IPO8: variants seen among roughly 807,000 people sequenced by gnomAD.
IPO8 encodes importin-8.
Under a neutral mutation model 141.2 loss-of-function variants are expected in IPO8, and 65 were observed. That is an observed-to-expected ratio of 0.46 (90% CI 0.38 to 0.57). The LOEUF (loss-of-function observed/expected upper bound fraction) is 0.57, where lower values mean the gene tolerates loss of function less well. Among genes scored for constraint, IPO8 ranks in the 20% least tolerant of loss-of-function variants. The pLI is 0.00. For synonymous variants in IPO8, 411 were observed against 420.3 expected (o/e 0.98, Z 0.27); for missense variants, 980 against 1,246.8 (o/e 0.79, Z 3.22).
intron 17 of IPO8, among the ~76,000 whole-genome samples, chr12:30,654,490 T>C (rs1437525522): frequency 6.6e-6 from 1 of 151,756 alleles, no homozygotes. Context: ...AGATTTAATA[T>C]CCAAAATATA....
intron 3 of IPO8, among the ~76,000 whole-genome samples, chr12:30,683,200 G>A (rs1043442898): frequency 3.9e-5 from 6 of 152,176 alleles, no homozygotes; most frequent in African/African-American, 1.4e-4. Context: ...ATGGATACAT[G>A]ATGGTACCAC....
In IPO8 at chr12:30,641,143, G is replaced by A. The variant is rs552005754; in HGVS notation, c.2269-1408C>T. 3.1e-4 allele frequency among the ~76,000 whole-genome samples: 47 copies of A among 152,248 alleles called. No individual in the cohort carries two copies. In the Middle Eastern group the frequency reaches 0.01, roughly 33 times the overall value. On this transcript the variant is annotated intron_variant, in intron 20 of 24. Coordinates refer to ENST00000256079, the MANE Select transcript of IPO8 (RefSeq NM_006390.4). ...TTATGGAAGCTGGTTGGACTACTAC[G>A]TAAATGCACAATTAGAGCACTGTGC...
chr12:30,634,471 AAAAT>A (rs528402970), intron 22 of IPO8, among the ~76,000 whole-genome samples, 185 bp from the exon 23 acceptor site: 3 of 152,194 alleles, frequency 2.0e-5, no homozygotes, highest in African/African-American at 4.8e-5. Flanking sequence ...AATAAAAAAT[AAAAT>A]AAATAAACCT....
chr12:30,634,124 T>C lies in IPO8; in HGVS notation c.2858A>G (p.Asn953Ser), dbSNP rs568068681. The change falls in exon 23 of 25, where the codon AAT becomes AGT. Residue 953 changes from asparagine (N) to serine (S), a missense_variant. Asn to Ser is a conservative substitution (Grantham distance 46, BLOSUM62 1). Transcript: ENST00000256079. ...AAAAAACTGATATTCATCCACACTA[T>C]TGTCAAGGTCAAGTGGAGTACTGAA... ...EGFSTPLDLD[N>S]SVDEYQFFTQ... The C allele has an allele frequency of 4.3e-6, 7 of 1,613,962 alleles. No homozygotes were observed. The highest frequency in any genetic ancestry group is 3.3e-5 in the South Asian group (3 of 91,066).
At chr12:30,677,865 G>A (rs892536227) in intron 5 of IPO8, among the ~76,000 whole-genome samples, 1 of 152,060 alleles carries the variant, frequency 6.6e-6, no homozygotes, top group Admixed American at 6.6e-5. Context: ...GGCCAGGCGT[G>A]GTGGCTCACG....
intron 6 of IPO8, among the ~76,000 whole-genome samples, chr12:30,675,661 A>C (rs1183865778): frequency 2.7e-5 from 4 of 150,364 alleles, no homozygotes; most frequent in East Asian, 2.0e-4. Flanking sequence ...CCCTGTCTCT[A>C]CTAAAAAAAA....
At chr12:30,691,382 G>A (rs1263791863) in intron 1 of IPO8, among the ~76,000 whole-genome samples, 1 of 152,138 alleles carries the variant, frequency 6.6e-6, no homozygotes, top group East Asian at 1.9e-4. Context: ...GTGAGCCTGT[G>A]GGGATGAAGC....
chr12:30,654,058 G>T (rs1392683584), intron 17 of IPO8, among the ~76,000 whole-genome samples: 1 of 151,752 alleles, frequency 6.6e-6, no homozygotes, highest in African/African-American at 2.4e-5. Context: ...ACCCATTTAG[G>T]GTCAATTAAT....
intron 5 of IPO8, 144 bp downstream of exon 5, chr12:30,680,338 A>C: frequency 1.7e-6 from 1 of 584,974 alleles, no homozygotes; most frequent in Middle Eastern, 4.6e-4. Context: ...ATTTCTGTGA[A>C]CCTGTTCCTC....
chr12:30,684,627 T>G (rs926256155), intron 2 of IPO8, among the ~76,000 whole-genome samples, 170 bp from the exon 3 acceptor site: 2 of 152,174 alleles, frequency 1.3e-5, no homozygotes, highest in Non-Finnish European at 2.9e-5. Context: ...GGATAAGAAT[T>G]TAAAGGTTTC....
rs1158403709 is a variant in IPO8, at chr12:30,663,626, G to T, written c.1457C>A (p.Ser486Tyr). The change falls in exon 14 of 25, where the codon TCT becomes TAT. Residue 486 changes from serine (S) to tyrosine (Y), a missense_variant. By Grantham distance (144) the Ser-to-Tyr change is moderately radical. This residue lies in a region of IPO8 where 924 missense variants were observed against 1,153.9 expected (regional missense o/e 0.80). Coordinates refer to ENST00000256079, the MANE Select transcript of IPO8 (RefSeq NM_006390.4). ...RSCWVLHAFSSLKFHNELNLR... is the reference protein window; with the variant it reads ...RSCWVLHAFSYLKFHNELNLR... ...ATTGAGCTCATTATGGAACTTCAAA[G>T]AACTAAATGCATGAAGTACCCAGCA... is the stretch of plus-strand genomic sequence containing the variant. 14 of 1,610,972 alleles carry T rather than the reference G, an allele frequency of 8.7e-6. No individual in the cohort carries two copies. The Admixed American group carries it at 2.3e-4, about 27-fold the overall frequency.
At chr12:30,671,725 G>C (rs990929781) in intron 8 of IPO8, among the ~76,000 whole-genome samples, 5 of 112,820 alleles carry the variant, frequency 4.4e-5, no homozygotes, top group African/African-American at 1.7e-4. Context: ...TCTGACTAAA[G>C]AAACATTAAA....
chr12:30,669,524 A>T (rs1006027734), intron 9 of IPO8, among the ~76,000 whole-genome samples: 2 of 152,072 alleles, frequency 1.3e-5, no homozygotes, highest in Non-Finnish European at 2.9e-5. Context: ...AGGCATGGTG[A>T]CTCATGTCTG....
At chr12:30,652,925 T>G in intron 18 of IPO8, 42 bp downstream of exon 18, 5 of 1,548,336 alleles carry the variant, frequency 3.2e-6, no homozygotes, top group Non-Finnish European at 4.4e-6. Flanking sequence ...AAGAAGTATC[T>G]AGACACAGAA....
chr12:30,689,546 A>G (rs186260559), intron 2 of IPO8, among the ~76,000 whole-genome samples: 13 of 152,310 alleles, frequency 8.5e-5, no homozygotes, highest in Non-Finnish European at 1.3e-4. Context: ...TCAGGAAATC[A>G]TATATAGTGT....
intron 2 of IPO8, among the ~76,000 whole-genome samples, chr12:30,689,261 A>T (rs1163039909): frequency 6.6e-6 from 1 of 152,232 alleles, no homozygotes; most frequent in South Asian, 2.1e-4. Context: ...TAATGTAAAA[A>T]CTTGTTTTAA....
chr12:30,683,098 A>G (rs960463673), intron 3 of IPO8, among the ~76,000 whole-genome samples: 1 of 152,162 alleles, frequency 6.6e-6, no homozygotes, highest in Non-Finnish European at 1.5e-5. Flanking sequence ...TTCCAAGCAA[A>G]GGATGGTTAT....
At position 30,695,345 on chromosome 12, in the gene IPO8, G is replaced by T. The variant is rs2053328209; in HGVS notation, c.84+219C>A. On this transcript the variant is annotated intron_variant, in intron 1 of 24. Coordinates refer to ENST00000256079, the MANE Select transcript of IPO8 (RefSeq NM_006390.4). The surrounding 1 kb of genome is among the most constrained non-coding windows in gnomAD (Gnocchi z 4.2). ...GAGAAGGGAGACGACACGAAAAGGT[G>T]CAAAGGTGGCCAACAGGTGCGCGAG... 6.6e-6 allele frequency among the ~76,000 whole-genome samples: 1 copy of T among 152,194 alleles called. No individual in the cohort carries two copies. Among genetic ancestry groups the T allele is most frequent in the Non-Finnish European group, 1.5e-5 (1 of 68,030 alleles).
Position 30,680,471 on chromosome 12 carries a change from T to C in IPO8, c.639+11A>G. 1.9e-6 allele frequency: 3 copies of C among 1,601,892 alleles called. No individual in the cohort carries two copies. The highest frequency in any genetic ancestry group is 2.2e-5 in the East Asian group (1 of 44,550). ...AGGACTCCATGTTTGTTTTCTGCAA[T>C]AGAAACCTACCTGAACAAGTGCATA... On this transcript the variant is annotated intron_variant, in intron 5 of 24. Transcript: ENST00000256079.
Sources: gnomAD v4.1 joint callset for allele counts (sites outside exome capture counted in the v4.1 genomes callset) on GRCh38, gnomAD v4.1.1 for gene constraint, gnomAD v4.1.1 regional missense constraint, Gnocchi (gnomAD v3.1) non-coding constraint, MANE v1.5 for transcripts, NCBI Gene and HGNC (gene_info 2026-07-23, HGNC 2026-07-21) for gene names.